Variants in MAGED1 observed in about 807,000 individuals in gnomAD.
The protein encoded by MAGED1 is melanoma-associated antigen D1.
MAGED1 carries 3 observed loss-of-function variants against 54.1 expected under a neutral mutation model. The observed-to-expected ratio is 0.06, with a 90% CI of 0.03 to 0.14. MAGED1 has a LOEUF of 0.14. Among genes scored for constraint, MAGED1 ranks in the 10% least tolerant of loss-of-function variants. The pLI is 1.00. For missense variants in MAGED1, 485 were observed against 623.4 expected, an observed-to-expected ratio of 0.78 and a Z score of 2.36; for synonymous variants, 217 against 227.3, an observed-to-expected ratio of 0.95 and a Z score of 0.41.
intron 1 of MAGED1, among the ~76,000 whole-genome samples, chrX:51,816,750 G>C (rs1557356114): frequency 9.3e-6 from 1 of 107,390 alleles, no homozygotes; most frequent in African/African-American, 3.4e-5. Flanking sequence ...AAAAAAAACA[G>C]ATATGAGAGG....
chrX:51,895,596 A>G lies in MAGED1; in HGVS notation c.589A>G (p.Thr197Ala). ...TAAGGCCCCAACAGCTGATACCCAG[A>G]CCCAGAATGTAAATCAGGCCAAAAT... ...TTKAPTADTQ[T>A]QNVNQAKMAT... The change falls in exon 3 of 13, where the codon ACC becomes GCC. Residue 197 changes from threonine to alanine, a missense_variant. By Grantham distance (58) the Thr-to-Ala change is moderately conservative. Transcript: ENST00000326587. 8.3e-7 allele frequency: 1 copy of G among 1,211,860 alleles called. No homozygotes were observed. Among genetic ancestry groups the G allele is most frequent in the African/African-American group, 1.7e-5 (1 of 57,874 alleles).
At chrX:51,818,446 TG>T (rs1315085943) in intron 1 of MAGED1, among the ~76,000 whole-genome samples, 1 of 111,527 alleles carries the variant, frequency 9.0e-6, no homozygotes, top group East Asian at 2.8e-4. Context: ...TTTAGTTCCT[TG>T]CTAAATACCA....
chrX:51,834,296 G>T (rs1010138742), intron 1 of MAGED1, among the ~76,000 whole-genome samples: 3 of 111,543 alleles, frequency 2.7e-5, no homozygotes, highest in Non-Finnish European at 5.6e-5. Flanking sequence ...CAAACCACAG[G>T]TGAGAATCCT....
intron 1 of MAGED1, among the ~76,000 whole-genome samples, chrX:51,828,894 A>AT (rs1368807477): frequency 9.0e-6 from 1 of 111,182 alleles, no homozygotes; most frequent in Non-Finnish European, 1.9e-5. Context: ...GCTATTCCAC[A>AT]TTAAAAAAAA....
intron 1 of MAGED1, among the ~76,000 whole-genome samples, chrX:51,860,330 A>G (rs1927235189): frequency 8.9e-6 from 1 of 111,973 alleles, no homozygotes; most frequent in African/African-American, 3.3e-5. Context: ...CAGGGAGACC[A>G]GTTAGGAGGC....
intron 10 of MAGED1, 57 bp downstream of exon 10, chrX:51,898,700 C>A: frequency 9.2e-7 from 1 of 1,084,288 alleles, no homozygotes; most frequent in Non-Finnish European, 1.2e-6. Flanking sequence ...GTGTGCTGGT[C>A]AGCTTTAGAA....
intron 1 of MAGED1, among the ~76,000 whole-genome samples, chrX:51,827,277 A>AT (rs1449391011): frequency 9.0e-6 from 1 of 110,985 alleles, no homozygotes; most frequent in Non-Finnish European, 1.9e-5. Context: ...CAAAGAAAAA[A>AT]AAAAGAAAGA....
In MAGED1 at chrX:51,895,189, A is replaced by T; in HGVS notation, c.182A>T (p.Glu61Val). The T allele has an allele frequency of 2.5e-6, 3 of 1,211,836 alleles. No individual in the cohort carries two copies. The highest frequency in any genetic ancestry group is 3.4e-6 in the Non-Finnish European group (3 of 895,461). ...AGTTCACAGCCCCCAACTGCCAATG[A>T]GATGGCTGACATTCAGGTTTCAGCA... ...PQSSQPPTAN[E>V]MADIQVSAAA... Residue 61 changes from glutamate to valine, a missense_variant, in exon 3 of 13, where the codon GAG becomes GTG. Around this residue, in one of 2 missense-constraint regions of MAGED1, gnomAD observed 299 missense variants for 293.1 expected, o/e 1.02. Transcript: ENST00000326587.
At chrX:51,848,944 GT>G (rs200050986) in intron 1 of MAGED1, among the ~76,000 whole-genome samples, 5 of 85,004 alleles carry the variant, frequency 5.9e-5, no homozygotes, top group African/African-American at 8.8e-5. Flanking sequence ...GATCTTTTCT[GT>G]TTTTTTTTTC....
At chrX:51,883,742 GA>G (rs1928143256) in intron 1 of MAGED1, among the ~76,000 whole-genome samples, 1 of 110,790 alleles carries the variant, frequency 9.0e-6, no homozygotes, top group African/African-American at 3.3e-5. Context: ...TAGAACAAAT[GA>G]AAAAAAGGAT....
chrX:51,813,647 G>T (rs782370455), intron 1 of MAGED1, among the ~76,000 whole-genome samples: 2 of 111,963 alleles, frequency 1.8e-5, no homozygotes, highest in East Asian at 5.6e-4. Context: ...TCTGAACACT[G>T]GAATCAAAAT....
At chrX:51,877,314 A>T (rs1339006074) in intron 1 of MAGED1, among the ~76,000 whole-genome samples, 2 of 111,433 alleles carry the variant, frequency 1.8e-5, no homozygotes, top group Non-Finnish European at 1.9e-5. Context: ...ATAATAATAA[A>T]TACAGTTTGA....
chrX:51,850,978 A>C (rs1435856109), intron 1 of MAGED1, among the ~76,000 whole-genome samples: 1 of 111,527 alleles, frequency 9.0e-6, no homozygotes, highest in Non-Finnish European at 1.9e-5. Context: ...GAAAGTAAGG[A>C]ATCTTGTAAA....
intron 1 of MAGED1, among the ~76,000 whole-genome samples, chrX:51,869,228 ATATG>A (rs1927565299): frequency 9.0e-6 from 1 of 111,199 alleles, no homozygotes; most frequent in African/African-American, 3.3e-5. Context: ...GGGTGTGACT[ATATG>A]AATGATGGGG....
At chrX:51,888,121 T>C (rs1397556844) in intron 1 of MAGED1, among the ~76,000 whole-genome samples, 1 of 111,655 alleles carries the variant, frequency 9.0e-6, no homozygotes, top group African/African-American at 3.3e-5. Flanking sequence ...AGGGTGACTA[T>C]AGTTAATTGT....
At chrX:51,846,258 A>G (rs1926685007) in intron 1 of MAGED1, among the ~76,000 whole-genome samples, 1 of 111,915 alleles carries the variant, frequency 8.9e-6, no homozygotes, top group Non-Finnish European at 1.9e-5. Context: ...TGTATTACCC[A>G]ATGTAGTCGC....
At chrX:51,823,713 A>G (rs1925728298) in intron 1 of MAGED1, among the ~76,000 whole-genome samples, 1 of 110,702 alleles carries the variant, frequency 9.0e-6, no homozygotes, top group Non-Finnish European at 1.9e-5. Context: ...CTATTCTTAC[A>G]TTACTGCTTT....
intron 1 of MAGED1, among the ~76,000 whole-genome samples, chrX:51,816,774 CAG>C (rs1437017804): frequency 4.5e-5 from 5 of 110,576 alleles, no homozygotes; most frequent in African/African-American, 1.3e-4. Context: ...AGGAAACAAA[CAG>C]AAACGGAGAT....
intron 1 of MAGED1, among the ~76,000 whole-genome samples, chrX:51,845,797 A>G (rs1403034667): frequency 9.0e-6 from 1 of 110,967 alleles, no homozygotes; most frequent in African/African-American, 3.3e-5. Context: ...TGTTTTGGAG[A>G]CAGGGTCTCA....
Sources: gnomAD v4.1 joint callset for allele counts (sites outside exome capture counted in the v4.1 genomes callset) on GRCh38, gnomAD v4.1.1 for gene constraint, gnomAD v4.1.1 regional missense constraint, MANE v1.5 for transcripts, NCBI Gene and HGNC (gene_info 2026-07-23, HGNC 2026-07-21) for gene names.